TNRC6B: variants seen among roughly 807,000 people sequenced by gnomAD.
The protein encoded by TNRC6B is trinucleotide repeat containing adaptor 6B.
A neutral mutation model predicts 203.6 loss-of-function variants in TNRC6B; 52 were observed. The ratio of observed to expected loss-of-function variants is 0.26; its 90% CI spans 0.20 to 0.32. TNRC6B has a LOEUF of 0.32. TNRC6B is among the 10% of genes least tolerant of loss of function. The pLI, the probability that TNRC6B is intolerant of heterozygous loss-of-function variation, is 1.00. For missense variants in TNRC6B, 1,923 were observed against 2,286.2 expected (o/e 0.84, Z 3.24); for synonymous variants, 838 against 845.7 (o/e 0.99, Z 0.16).
chr22:40,232,234 C>T (rs1023607800), intron 1 of TNRC6B, among the ~76,000 whole-genome samples: 1 of 152,140 alleles, frequency 6.6e-6, no homozygotes, highest in African/African-American at 2.4e-5. Context: ...TCATACGGGA[C>T]AAGTAAGTGG....
chr22:40,317,097 TC>T (rs2071270420), intron 21 of TNRC6B, among the ~76,000 whole-genome samples: 2 of 152,206 alleles, frequency 1.3e-5, no homozygotes. Context: ...AACCTATACT[TC>T]CTATCCCTGA....
chr22:40,237,436 CT>C (rs1186435819), intron 1 of TNRC6B, among the ~76,000 whole-genome samples: 1 of 152,216 alleles, frequency 6.6e-6, no homozygotes, highest in Non-Finnish European at 1.5e-5. Context: ...CAGCCTCAGC[CT>C]GGTGCCTGGC....
intron 1 of TNRC6B, among the ~76,000 whole-genome samples, chr22:40,051,758 T>C (rs1425480457): frequency 6.6e-6 from 1 of 152,240 alleles, no homozygotes; most frequent in Non-Finnish European, 1.5e-5. Context: ...GTATAGATTT[T>C]CTAGTAGCTA....
At chr22:40,152,078 T>C (rs561249326) in intron 3 of TNRC6B, among the ~76,000 whole-genome samples, 18 of 152,304 alleles carry the variant, frequency 1.2e-4, no homozygotes, top group Non-Finnish European at 2.5e-4. Flanking sequence ...CCTTGCTTAG[T>C]GGTTTGCATT....
At chr22:40,276,635 T>A (rs944360488) in intron 7 of TNRC6B, among the ~76,000 whole-genome samples, 1 of 152,226 alleles carries the variant, frequency 6.6e-6, no homozygotes, top group East Asian at 1.9e-4. Flanking sequence ...GAGGAAGCAC[T>A]ATGAGTTCCT....
intron 1 of TNRC6B, among the ~76,000 whole-genome samples, chr22:40,046,680 A>G (rs895744526): frequency 7.1e-6 from 1 of 141,098 alleles, no homozygotes; most frequent in Non-Finnish European, 1.5e-5. Flanking sequence ...AGTCTCAAAG[A>G]TTGTGCCAGG....
chr22:40,227,330 T>C (rs1342661614), intron 1 of TNRC6B, among the ~76,000 whole-genome samples: 1 of 147,992 alleles, frequency 6.8e-6, no homozygotes, highest in African/African-American at 2.5e-5. Context: ...GTTATAGGCG[T>C]GAGCTACCAC....
intron 1 of TNRC6B, among the ~76,000 whole-genome samples, chr22:40,245,216 G>A (rs1052181827): frequency 1.3e-5 from 2 of 151,448 alleles, no homozygotes; most frequent in East Asian, 1.9e-4. Context: ...TCAGCCTCCC[G>A]AGTAGCTGGG....
At chr22:40,147,306 G>A (rs901104445) in intron 3 of TNRC6B, among the ~76,000 whole-genome samples, 1 of 152,172 alleles carries the variant, frequency 6.6e-6, no homozygotes, top group Non-Finnish European at 1.5e-5. Context: ...AGCAGGGACT[G>A]GGGAGTTACT....
chr22:40,103,184 C>T (rs995924453), intron 1 of TNRC6B, among the ~76,000 whole-genome samples: 1 of 151,888 alleles, frequency 6.6e-6, no homozygotes, highest in African/African-American at 2.4e-5. Flanking sequence ...AGGAGAATGG[C>T]TTGAACCCAG....
chr22:40,279,903 C>T (rs1441341657), intron 9 of TNRC6B, 92 bp from the exon 10 acceptor site: 7 of 1,081,874 alleles, frequency 6.5e-6, no homozygotes, highest in Non-Finnish European at 6.9e-6. Flanking sequence ...TTATACCCAG[C>T]ACCCCCATGA....
At chr22:40,166,659 G>A (rs2146363191) in intron 4 of TNRC6B, among the ~76,000 whole-genome samples, 1 of 152,212 alleles carries the variant, frequency 6.6e-6, no homozygotes, top group South Asian at 2.1e-4. Flanking sequence ...CACTCTGGGA[G>A]ACCAAAGTGG....
chr22:40,277,130 G>A lies in TNRC6B; in HGVS notation c.3195G>A (p.Gln1065=). The part of the protein sequence containing the change: ...NDSWMNPLAK[Q]FSNMGLLSQT... ...CATGGATGAATCCTCTTGCCAAACA[G>A]TTTTCAAATATGGGATTGCTGGTAA... Residue 1065 remains glutamine (Q), a synonymous_variant, in exon 8 of 23, where the codon CAG becomes CAA. Transcript: ENST00000454349. 6.2e-7 allele frequency: 1 copy of A among 1,607,614 alleles called. No individual in the cohort carries two copies. The highest frequency in any genetic ancestry group is 2.2e-5 in the East Asian group (1 of 44,476).
At chr22:40,259,400 T>C (rs1382199832) in intron 3 of TNRC6B, among the ~76,000 whole-genome samples, 1 of 152,140 alleles carries the variant, frequency 6.6e-6, no homozygotes, top group Non-Finnish European at 1.5e-5. Flanking sequence ...ATTTTTGTAT[T>C]TTTAGTAGAG....
intron 1 of TNRC6B, among the ~76,000 whole-genome samples, chr22:40,075,156 A>ATATATATATATATATATATATATTTTTT: frequency 2.8e-5 from 1 of 35,566 alleles, no homozygotes; most frequent in African/African-American, 1.0e-4. Context: ...ATATATATAT[A>ATATATATATATATATATATATATTTTTT]TTTTTTTTTT....
chr22:40,110,267 CAT>C (rs1379994599), intron 1 of TNRC6B, among the ~76,000 whole-genome samples: 1 of 152,148 alleles, frequency 6.6e-6, no homozygotes, highest in African/African-American at 2.4e-5. Context: ...ACCCAGTTAA[CAT>C]ATTTATTACC....
chr22:40,272,560 C>A (rs2070579346), intron 6 of TNRC6B, among the ~76,000 whole-genome samples: 1 of 152,122 alleles, frequency 6.6e-6, no homozygotes, highest in Non-Finnish European at 1.5e-5. Context: ...GAATGTGTTT[C>A]CTTTTCTTTC....
Position 40,054,351 on chromosome 22 carries a change from AGT to A in TNRC6B, c.-121+9356_-121+9357del, listed in dbSNP as rs2067775133. ...TTTCCTACTGTCTTCCCCCTTGCTG[AGT>A]GTACTCTCACCATACTGACCCTCTT... On this transcript the variant is annotated intron_variant, in intron 1 of 23. Transcript: ENST00000301923. Among the ~76,000 whole-genome samples the A allele has an allele frequency of 3.3e-5, 5 of 152,034 alleles. No homozygotes were observed. The South Asian group carries it at 1.0e-3, about 32-fold the overall frequency.
chr22:40,171,051 T>C (rs1388928330), intron 4 of TNRC6B, among the ~76,000 whole-genome samples: 2 of 138,528 alleles, frequency 1.4e-5, no homozygotes, highest in East Asian at 2.1e-4. Flanking sequence ...TATATATATA[T>C]ACACATACAT....
Sources: gnomAD v4.1 joint callset for allele counts (sites outside exome capture counted in the v4.1 genomes callset) on GRCh38, gnomAD v4.1.1 for gene constraint, MANE v1.5 for transcripts, NCBI Gene and HGNC (gene_info 2026-07-23, HGNC 2026-07-21) for gene names.